The following ZNF813 variants were observed in gnomAD, a reference collection of about 807,000 sequenced individuals.
ZNF813 encodes the protein zinc finger protein 813.
In ZNF813, 3 loss-of-function variants were observed where a neutral mutation model predicts 7.2. That is an observed-to-expected ratio of 0.42 (90% CI 0.19 to 1.08). The LOEUF (loss-of-function observed/expected upper bound fraction) is 1.08, where lower values mean the gene tolerates loss of function less well. Ranked by LOEUF, ZNF813 falls within the 50% of genes least tolerant of loss-of-function variation. The pLI, the probability that ZNF813 is intolerant of heterozygous loss-of-function variation, is 0.30. For missense variants in ZNF813, 714 were observed against 753.3 expected (o/e 0.95, Z 0.61); for synonymous variants, 227 against 256.3 (o/e 0.89, Z 1.09).
chr19:53,487,567 G>A (rs2086440061), intron 3 of ZNF813, among the ~76,000 whole-genome samples: 1 of 152,068 alleles, frequency 6.6e-6, no homozygotes, highest in Admixed American at 6.6e-5. Context: ...AGAGGCCAAG[G>A]CAGGCAAATC....
Position 53,492,067 on chromosome 19 carries a change from G to A in ZNF813, c.1835G>A (p.Cys612Tyr). Residue 612 changes from cysteine (C) to tyrosine (Y), a missense_variant, in exon 4 of 4, where the codon TGT becomes TAT. This residue lies in a region of ZNF813 where 122 missense variants were observed against 146.8 expected (regional missense o/e 0.83). Coordinates refer to ENST00000396403, the MANE Select transcript of ZNF813 (RefSeq NM_001004301.4). Reference protein sequence around the residue: ...TGEKPYKFNECGKAFN With the variant: ...TGEKPYKFNEYGKAFN ...GAGAAACCTTACAAGTTTAATGAGT[G>A]TGGCAAAGCTTTTAATTGAAAAGCA... The A allele has an allele frequency of 6.2e-7, 1 of 1,612,536 alleles. No individual in the cohort carries two copies. The highest frequency in any genetic ancestry group is 1.7e-5 in the Admixed American group (1 of 59,774).
At position 53,479,393 on chromosome 19, in the gene ZNF813, A is replaced by C. The variant is rs568248843; in HGVS notation, c.-73-4357A>C. ...ATCGAGGCAGTGAAGCGCAAGATCCAGGTTCTGCAGCTGCAGGCAGATGAT... is the reference window on the plus strand; with the variant it reads ...ATCGAGGCAGTGAAGCGCAAGATCCCGGTTCTGCAGCTGCAGGCAGATGAT... On this transcript the variant is annotated intron_variant, in intron 1 of 3. Coordinates refer to ENST00000396403, the MANE Select transcript of ZNF813 (RefSeq NM_001004301.4). 210 of 1,589,922 alleles carry C rather than the reference A, an allele frequency of 1.3e-4. No homozygotes were observed. The African/African-American group carries it at 2.5e-3, about 19-fold the overall frequency.
intron 1 of ZNF813, among the ~76,000 whole-genome samples, chr19:53,476,056 AG>A (rs1188515603): frequency 3.3e-5 from 5 of 152,110 alleles, no homozygotes; most frequent in Non-Finnish European, 1.5e-5. Context: ...CGGGGTTGGA[AG>A]GGCACAAATG....
chr19:53,485,573 T>C (rs66891316), intron 2 of ZNF813, among the ~76,000 whole-genome samples: 22,210 of 137,794 alleles, frequency 0.16, 1,639 homozygotes, highest in Middle Eastern at 0.24. Context: ...CATATATACA[T>C]GTATGTCATG....
At chr19:53,488,101 T>G in intron 3 of ZNF813, 1 of 356,270 alleles carries the variant, frequency 2.8e-6, no homozygotes, top group South Asian at 2.1e-5. Flanking sequence ...CTTGGGTCAC[T>G]CCAACCTCCA....
chr19:53,492,540 CT>C lies in ZNF813; in HGVS notation c.*456del. The stretch of plus-strand genomic sequence containing the variant: ...CCTAGAATTTATACTGGAGAGAAAC[CT>C]TACAAGTGTAATGAGTCTGGCAAAG... On this transcript the variant is annotated 3_prime_UTR_variant, in exon 4 of 4. Transcript: ENST00000396403. The C allele has an allele frequency of 1.9e-6, 1 of 525,278 alleles. No individual in the cohort carries two copies. 32.5% of individuals were successfully genotyped at this position (525,278 alleles called of 1,614,324 possible). A position where few individuals can be genotyped will look rare whatever the true frequency, so the allele number is the denominator to read the frequency against.
chr19:53,478,650 C>T (rs2086392750), intron 1 of ZNF813, among the ~76,000 whole-genome samples: 1 of 152,026 alleles, frequency 6.6e-6, no homozygotes, highest in African/African-American at 2.4e-5. Flanking sequence ...TGGTGGTGTG[C>T]ACCTGTAGTC....
rs2086390545 is a variant in ZNF813, at chr19:53,478,159, T to C, written c.-73-5591T>C. ...ATGACTTTCTGTTATTACATAATAC[T>C]TTTAATTAAATTAATTAATAATTAA... On this transcript the variant is annotated intron_variant, in intron 1 of 3. Transcript: ENST00000396403. 1.3e-5 allele frequency among the ~76,000 whole-genome samples: 2 copies of C among 152,068 alleles called. 1 individual carries two copies. The highest frequency in any genetic ancestry group is 1.3e-4 in the Admixed American group (2 of 15,262).
At chr19:53,479,072 C>T (rs754778326) in intron 1 of ZNF813, among the ~76,000 whole-genome samples, 14 of 151,976 alleles carry the variant, frequency 9.2e-5, no homozygotes, top group Non-Finnish European at 1.5e-4. Context: ...GTACGTGGGA[C>T]TACAGGCCCA....
At position 53,492,345 on chromosome 19, in the gene ZNF813, CAGG is replaced by C; in HGVS notation, c.*262_*264del. ...CAGTGGCAAATCGAGCCTCAAAAGA[CAGG>C]AGAATTCATACTGGAGAGAAAGCTT... On this transcript the variant is annotated 3_prime_UTR_variant, in exon 4 of 4. Coordinates refer to ENST00000396403, the MANE Select transcript of ZNF813 (RefSeq NM_001004301.4). 1.7e-6 allele frequency: 1 copy of C among 592,742 alleles called. No homozygotes were observed. Among genetic ancestry groups the C allele is most frequent in the Non-Finnish European group, 3.0e-6 (1 of 334,394 alleles). 36.7% of individuals were successfully genotyped at this position (592,742 alleles called of 1,614,324 possible). A position where few individuals can be genotyped will look rare whatever the true frequency, so the allele number is the denominator to read the frequency against.
At chr19:53,480,178 A>C in intron 1 of ZNF813, 1 of 758,202 alleles carries the variant, frequency 1.3e-6, no homozygotes. Context: ...CCTTTACCTG[A>C]GGGCTGATCT....
At chr19:53,474,642 TTGCACCAC>T (rs922749651) in intron 1 of ZNF813, among the ~76,000 whole-genome samples, 13 of 151,672 alleles carry the variant, frequency 8.6e-5, no homozygotes, top group African/African-American at 2.9e-4. Flanking sequence ...TGAGCCAAGA[TTGCACCAC>T]TGCACTCCAG....
chr19:53,471,607 A>T (rs1358659283), intron 1 of ZNF813, among the ~76,000 whole-genome samples: 1 of 151,734 alleles, frequency 6.6e-6, no homozygotes, highest in Non-Finnish European at 1.5e-5. Context: ...CAGGAGATCA[A>T]GACCATCCTG....
At chr19:53,474,724 G>T (rs1248032717) in intron 1 of ZNF813, among the ~76,000 whole-genome samples, 1 of 151,906 alleles carries the variant, frequency 6.6e-6, no homozygotes, top group Admixed American at 6.5e-5. Flanking sequence ...TCATAACGTT[G>T]CTAATGCTGT....
At chr19:53,476,950 C>G (rs570282461) in intron 1 of ZNF813, among the ~76,000 whole-genome samples, 1 of 152,278 alleles carries the variant, frequency 6.6e-6, no homozygotes, top group East Asian at 1.9e-4. Context: ...GCATAAGCCA[C>G]CGCGCCTGGC....
chr19:53,489,226 C>T (rs1218254344), intron 3 of ZNF813, among the ~76,000 whole-genome samples: 4 of 152,032 alleles, frequency 2.6e-5, no homozygotes, highest in African/African-American at 7.2e-5. Context: ...AGGCTGGTCT[C>T]GAACTCCTGA....
chr19:53,482,815 C>T (rs1233011854), intron 1 of ZNF813, among the ~76,000 whole-genome samples: 1 of 141,946 alleles, frequency 7.0e-6, no homozygotes, highest in Non-Finnish European at 1.5e-5. Context: ...ACCTCTGTTT[C>T]CTGGGTTCAA....
intron 1 of ZNF813, among the ~76,000 whole-genome samples, chr19:53,473,994 G>A (rs1030045880): frequency 5.3e-5 from 8 of 152,062 alleles, no homozygotes; most frequent in South Asian, 2.1e-4. Flanking sequence ...TGAACTTTCC[G>A]GCCAATAGGC....
intron 2 of ZNF813, among the ~76,000 whole-genome samples, chr19:53,484,847 C>T (rs553489323): frequency 2.2e-4 from 33 of 152,286 alleles, no homozygotes; most frequent in African/African-American, 7.5e-4. Flanking sequence ...ATTACAGGTG[C>T]GAGGCACCGT....
Sources: allele counts gnomAD v4.1 joint callset (sites outside exome capture counted in the v4.1 genomes callset), GRCh38; gene constraint gnomAD v4.1.1; regional missense constraint gnomAD v4.1.1; transcripts MANE v1.5; gene names NCBI Gene and HGNC (gene_info 2026-07-23, HGNC 2026-07-21).